Variants in ARID5B observed in about 807,000 individuals in gnomAD.
ARID5B encodes the protein AT-rich interactive domain-containing protein 5B.
Under a neutral mutation model 97.2 loss-of-function variants are expected in ARID5B, and 13 were observed. The ratio of observed to expected loss-of-function variants is 0.13; its 90% confidence interval spans 0.09 to 0.21. The LOEUF is 0.21. Among genes scored for constraint, ARID5B ranks in the 10% least tolerant of loss-of-function variants. ARID5B has a pLI of 1.00. For missense variants in ARID5B, 1,210 were observed against 1,465.3 expected, an observed-to-expected ratio of 0.83 and a Z score of 2.84; for synonymous variants, 556 against 570.3, an observed-to-expected ratio of 0.97 and a Z score of 0.36.
At chr10:62,084,510 G>A (rs78269378) in intron 8 of ARID5B, among the ~76,000 whole-genome samples, 2,358 of 152,250 alleles carry the variant, frequency 0.015, 24 homozygotes, top group South Asian at 0.025. Context: ...TTTCTTCATT[G>A]AGTCAACTTG....
chr10:62,069,509 A>G (rs1234572514), intron 7 of ARID5B, among the ~76,000 whole-genome samples, 191 bp from the exon 8 acceptor site: 1 of 151,926 alleles, frequency 6.6e-6, no homozygotes, highest in Non-Finnish European at 1.5e-5. Flanking sequence ...TTCCATTTTT[A>G]TTGTAAAGAA....
At chr10:61,913,850 C>G (rs1331749549) in intron 2 of ARID5B, among the ~76,000 whole-genome samples, 1 of 152,338 alleles carries the variant, frequency 6.6e-6, no homozygotes, top group Non-Finnish European at 1.5e-5. Flanking sequence ...CTCCCAGATT[C>G]AAGCGATTCT....
At chr10:62,001,403 G>A (rs1839078659) in intron 4 of ARID5B, among the ~76,000 whole-genome samples, 1 of 152,108 alleles carries the variant, frequency 6.6e-6, no homozygotes, top group Non-Finnish European at 1.5e-5. Flanking sequence ...GAGAGCATAG[G>A]GTCCCTTTGA....
chr10:62,074,560 A>C (rs1428538335), intron 8 of ARID5B, among the ~76,000 whole-genome samples: 1 of 152,202 alleles, frequency 6.6e-6, no homozygotes, highest in Non-Finnish European at 1.5e-5. Context: ...GTTAAGGACC[A>C]AAAATATATC....
intron 4 of ARID5B, among the ~76,000 whole-genome samples, chr10:62,008,405 C>G (rs1839174761): frequency 6.6e-6 from 1 of 152,184 alleles, no homozygotes; most frequent in African/African-American, 2.4e-5. Flanking sequence ...AGAAAGAGCT[C>G]TCAGACTTCC....
chr10:62,065,777 C>T lies in ARID5B; in HGVS notation c.1102-3923C>T, dbSNP rs972840648. 1.1e-4 allele frequency among the ~76,000 whole-genome samples: 15 copies of T among 141,696 alleles called. 1 individual carries two copies. Among genetic ancestry groups the T allele is most frequent in the African/African-American group, 1.6e-4 (6 of 38,358 alleles). The allele number at this position is 141,696 out of a possible 152,430, so 93.0% of individuals were successfully genotyped here. On this transcript the variant is annotated intron_variant, in intron 7 of 9. Transcript: ENST00000279873. ...AGGAGGATAGCGTGAACCTGGAAGG[C>T]GGAGCTTGTAGTGAGCCGAGATCGC...
chr10:61,986,253 G>T (rs1395310038), intron 3 of ARID5B, among the ~76,000 whole-genome samples: 1 of 152,186 alleles, frequency 6.6e-6, no homozygotes, highest in Non-Finnish European at 1.5e-5. Context: ...GTGTCCTCCT[G>T]TATAAAATGG....
chr10:62,059,171 AT>A (rs1461499271), intron 6 of ARID5B, 71 bp from the exon 7 acceptor site: 7 of 1,165,800 alleles, frequency 6.0e-6, no homozygotes, highest in African/African-American at 1.5e-5. Context: ...GAAAAAAAAA[AT>A]GTTTTAATTG....
intron 2 of ARID5B, among the ~76,000 whole-genome samples, chr10:61,938,883 GA>G (rs55672929): frequency 0.53 from 72,428 of 136,132 alleles, 18,717 homozygotes; most frequent in Non-Finnish European, 0.6. Context: ...TAAAACATCA[GA>G]AAAAAAAAAA....
chr10:62,057,274 G>A lies in ARID5B; in HGVS notation c.1004G>A (p.Arg335Lys), dbSNP rs1839869565. The A allele has an allele frequency of 1.2e-6, 2 of 1,612,184 alleles. No homozygotes were observed. The highest frequency in any genetic ancestry group is 1.1e-5 in the South Asian group (1 of 91,054). The part of the protein sequence containing the change: ...LVALYKYMKE[R>K]KTPIERIPYL... ...GCACTTTATAAATACATGAAAGAAA[G>A]GAAAACGCCGATAGAACGAATACCC... Residue 335 changes from arginine to lysine, a missense_variant, in exon 6 of 10, where the codon AGG becomes AAG. By Grantham distance (26) the Arg-to-Lys change is conservative. Around this residue, in one of 8 missense-constraint regions of ARID5B, gnomAD observed 59 missense variants for 156.7 expected, o/e 0.38. Transcript: ENST00000279873.
intron 3 of ARID5B, among the ~76,000 whole-genome samples, chr10:61,991,951 G>A (rs944499574): frequency 2.6e-5 from 4 of 152,044 alleles, no homozygotes; most frequent in African/African-American, 9.7e-5. Context: ...AGAATCGCTT[G>A]AACCCAGGAG....
At chr10:61,971,960 G>A (rs920522629) in intron 3 of ARID5B, among the ~76,000 whole-genome samples, 5 of 152,052 alleles carry the variant, frequency 3.3e-5, no homozygotes, top group East Asian at 1.9e-4. Context: ...GCCATCCAAC[G>A]CTGAAGAACT....
chr10:62,042,540 G>A (rs1002480018), intron 4 of ARID5B, among the ~76,000 whole-genome samples: 1 of 152,170 alleles, frequency 6.6e-6, no homozygotes, highest in East Asian at 1.9e-4. Context: ...TCAGCTCCTA[G>A]ATAGCACCAC....
intron 3 of ARID5B, among the ~76,000 whole-genome samples, chr10:61,954,079 C>T (rs564755064): frequency 2.0e-5 from 3 of 152,224 alleles, no homozygotes; most frequent in South Asian, 2.1e-4. Context: ...TAAATTTCAG[C>T]CGGGCACGGT....
chr10:62,030,375 C>T (rs1281462366), intron 4 of ARID5B, among the ~76,000 whole-genome samples: 1 of 152,168 alleles, frequency 6.6e-6, no homozygotes, highest in African/African-American at 2.4e-5. Flanking sequence ...AGGTGATCCA[C>T]CTGCCTCGGC....
intron 2 of ARID5B, among the ~76,000 whole-genome samples, chr10:61,936,501 C>T (rs1280250438): frequency 6.6e-6 from 1 of 152,094 alleles, no homozygotes; most frequent in Non-Finnish European, 1.5e-5. Flanking sequence ...ACCTGTAATC[C>T]CAGTTACTAA....
rs1164294509 is a variant in ARID5B at position 62,000,283 on chromosome 10, C to T, written c.695C>T (p.Pro232Leu). ...TACTGTCGGGACACCTTTGACCACCCGACTCTCATAGAAAACGAGAGTATA... is the reference window on the plus strand; with the variant it reads ...TACTGTCGGGACACCTTTGACCACCTGACTCTCATAGAAAACGAGAGTATA... The part of the protein sequence containing the change: ...ILYCRDTFDH[P>L]TLIENESICD... Residue 232 changes from proline (P) to leucine (L), a missense_variant, in exon 4 of 10, where the codon CCG becomes CTG. Coordinates refer to ENST00000279873, the MANE Select transcript of ARID5B (RefSeq NM_032199.3). The surrounding 1 kb of genome is among the most constrained non-coding windows in gnomAD (Gnocchi z 4.4). 6.2e-7 allele frequency: 1 copy of T among 1,612,680 alleles called. No individual in the cohort carries two copies. Among genetic ancestry groups the T allele is most frequent in the Non-Finnish European group, 8.5e-7 (1 of 1,179,580 alleles).
chr10:61,950,346 C>T (rs1253408509), intron 3 of ARID5B, among the ~76,000 whole-genome samples: 1 of 152,078 alleles, frequency 6.6e-6, no homozygotes, highest in Non-Finnish European at 1.5e-5. Flanking sequence ...GAGAATGCAA[C>T]ACTGACTCTG....
At chr10:62,020,928 G>T (rs923998644) in intron 4 of ARID5B, among the ~76,000 whole-genome samples, 1 of 151,088 alleles carries the variant, frequency 6.6e-6, no homozygotes, top group Non-Finnish European at 1.5e-5. Flanking sequence ...TGTAGCCCTC[G>T]TTCTGGAACT....
Sources: allele counts gnomAD v4.1 joint callset (sites outside exome capture counted in the v4.1 genomes callset), GRCh38; gene constraint gnomAD v4.1.1; regional missense constraint gnomAD v4.1.1; non-coding constraint Gnocchi (gnomAD v3.1); transcripts MANE v1.5; gene names NCBI Gene and HGNC (gene_info 2026-07-23, HGNC 2026-07-21).